AGBL4: variants seen among roughly 807,000 people sequenced by gnomAD.
AGBL4 encodes the protein cytosolic carboxypeptidase 6.
A neutral mutation model predicts 66.4 loss-of-function variants in AGBL4; 58 were observed. The ratio of observed to expected loss-of-function variants is 0.87; its 90% CI spans 0.71 to 1.09. The LOEUF is 1.09. AGBL4 is among the 50% of genes least tolerant of loss of function. The pLI is 0.00. For synonymous variants in AGBL4, 234 were observed against 222.9 expected, an observed-to-expected ratio of 1.05 and a Z score of -0.44; for missense variants, 579 against 631.0, an observed-to-expected ratio of 0.92 and a Z score of 0.88.
chr1:48,933,779 TA>T (rs1655229175), intron 5 of AGBL4, among the ~76,000 whole-genome samples: 1 of 152,222 alleles, frequency 6.6e-6, no homozygotes, highest in African/African-American at 2.4e-5. Flanking sequence ...ACACATTAAC[TA>T]GTATTTATTA....
chr1:49,770,889 G>A (rs534765993), intron 2 of AGBL4, among the ~76,000 whole-genome samples: 57 of 151,888 alleles, frequency 3.8e-4, no homozygotes, highest in African/African-American at 1.3e-3. Flanking sequence ...TTATTTATTT[G>A]GGTCTTTCCT....
At chr1:48,547,476 GATCTGGCATATGAAAGA>G (rs985407433) in intron 11 of AGBL4, among the ~76,000 whole-genome samples, 2 of 152,112 alleles carry the variant, frequency 1.3e-5, no homozygotes, top group African/African-American at 4.8e-5. Context: ...GGGGTGCCCT[GATCTGGCATATGAAAGA>G]ATGTGGCAGG....
chr1:49,661,128 A>G (rs1250606017), intron 3 of AGBL4, among the ~76,000 whole-genome samples: 2 of 152,184 alleles, frequency 1.3e-5, no homozygotes, highest in Non-Finnish European at 2.9e-5. Context: ...TTTGCAAAAT[A>G]TTTGAAATTG....
intron 1 of AGBL4, among the ~76,000 whole-genome samples, chr1:49,908,671 T>C (rs1005505212): frequency 6.6e-6 from 1 of 151,982 alleles, no homozygotes; most frequent in Admixed American, 6.6e-5. Flanking sequence ...CAAGTGCCTG[T>C]AGTCCTAGCT....
At chr1:49,272,660 A>G (rs1036902694) in intron 3 of AGBL4, among the ~76,000 whole-genome samples, 3 of 152,204 alleles carry the variant, frequency 2.0e-5, no homozygotes, top group Admixed American at 6.5e-5. Flanking sequence ...TTAAAAAGAC[A>G]CAATTTAAAT....
intron 8 of AGBL4, among the ~76,000 whole-genome samples, chr1:48,646,024 G>C (rs954781593): frequency 6.6e-6 from 1 of 152,186 alleles, no homozygotes; most frequent in African/African-American, 2.4e-5. Flanking sequence ...AGATGGGCTG[G>C]CCTTGAATAA....
intron 4 of AGBL4, among the ~76,000 whole-genome samples, chr1:49,167,014 T>C (rs1170291178): frequency 6.6e-6 from 1 of 152,216 alleles, no homozygotes; most frequent in African/African-American, 2.4e-5. Flanking sequence ...CCAATGTTTA[T>C]ACTGTGGTTT....
At chr1:49,618,994 A>G (rs541530007) in intron 3 of AGBL4, among the ~76,000 whole-genome samples, 1 of 152,314 alleles carries the variant, frequency 6.6e-6, no homozygotes, top group East Asian at 1.9e-4. Context: ...TATTTATGAA[A>G]AACCCACAGC....
chr1:49,372,701 T>TTTTC (rs796731447), intron 3 of AGBL4, among the ~76,000 whole-genome samples: 100 of 147,992 alleles, frequency 6.8e-4, no homozygotes, highest in South Asian at 2.4e-3. Flanking sequence ...CTTTCTTTCT[T>TTTTC]TTTCTTTCTC....
chr1:49,360,523 A>G (rs1031902554), intron 3 of AGBL4, among the ~76,000 whole-genome samples: 5 of 152,222 alleles, frequency 3.3e-5, no homozygotes, highest in African/African-American at 7.2e-5. Context: ...TATTTCTGAG[A>G]AAAGCAAACT....
chr1:49,543,682 A>G (rs1652246691), intron 3 of AGBL4, among the ~76,000 whole-genome samples: 1 of 152,178 alleles, frequency 6.6e-6, no homozygotes, highest in African/African-American at 2.4e-5. Context: ...TTAGATTGCT[A>G]ATCTCCTTCA....
At chr1:49,009,135 A>T (rs1662143731) in intron 5 of AGBL4, among the ~76,000 whole-genome samples, 1 of 152,000 alleles carries the variant, frequency 6.6e-6, no homozygotes, top group Non-Finnish European at 1.5e-5. Context: ...TGCTAGCAAG[A>T]CTAATAAAGA....
intron 4 of AGBL4, among the ~76,000 whole-genome samples, chr1:49,161,300 G>C (rs1025083127): frequency 1.3e-5 from 2 of 152,152 alleles, no homozygotes; most frequent in Non-Finnish European, 2.9e-5. Flanking sequence ...CCTTGGTTAG[G>C]AGAGGGAGTT....
At chr1:49,608,536 CA>C (rs1360007563) in intron 3 of AGBL4, among the ~76,000 whole-genome samples, 2 of 152,092 alleles carry the variant, frequency 1.3e-5, no homozygotes, top group Non-Finnish European at 2.9e-5. Flanking sequence ...ATTAATCCTA[CA>C]AATTGCCTTA....
chr1:49,898,507 T>C (rs1649442762), intron 1 of AGBL4, among the ~76,000 whole-genome samples: 1 of 152,140 alleles, frequency 6.6e-6, no homozygotes, highest in African/African-American at 2.4e-5. Context: ...CCTCATATTC[T>C]GTTGGTGGGA....
intron 3 of AGBL4, among the ~76,000 whole-genome samples, chr1:49,313,925 T>C (rs1015933440): frequency 6.6e-6 from 1 of 152,146 alleles, no homozygotes; most frequent in African/African-American, 2.4e-5. Flanking sequence ...TGGTGTTTTA[T>C]TCATGAAGTC....
At chr1:49,856,604 T>C (rs534184393) in intron 1 of AGBL4, among the ~76,000 whole-genome samples, 1 of 151,950 alleles carries the variant, frequency 6.6e-6, no homozygotes, top group Admixed American at 6.6e-5. Context: ...ATATAACACA[T>C]CAACAGAATG....
intron 11 of AGBL4, among the ~76,000 whole-genome samples, chr1:48,551,702 C>A (rs2148283565): frequency 6.6e-6 from 1 of 152,190 alleles, no homozygotes; most frequent in South Asian, 2.1e-4. Flanking sequence ...TTCTTCCATG[C>A]TGTGTGCCTT....
intron 3 of AGBL4, among the ~76,000 whole-genome samples, chr1:49,494,245 A>T (rs181112805): frequency 1.5e-3 from 229 of 152,038 alleles, no homozygotes; most frequent in Non-Finnish European, 2.5e-3. Flanking sequence ...TCTTGGCTTC[A>T]TCATTAATAT....
Sources: gnomAD v4.1 joint callset for allele counts (sites outside exome capture counted in the v4.1 genomes callset) on GRCh38, gnomAD v4.1.1 for gene constraint, MANE v1.5 for transcripts, NCBI Gene and HGNC (gene_info 2026-07-23, HGNC 2026-07-21) for gene names.